Variants in PPP2R2D observed in about 807,000 individuals in gnomAD.
PPP2R2D encodes the protein protein phosphatase 2 regulatory subunit Bdelta.
PPP2R2D carries 9 observed loss-of-function variants against 31.1 expected under a neutral mutation model. The ratio of observed to expected loss-of-function variants is 0.29; its 90% CI spans 0.17 to 0.51. The LOEUF (loss-of-function observed/expected upper bound fraction) is 0.51. Among genes scored for constraint, PPP2R2D ranks in the 20% least tolerant of loss-of-function variants. PPP2R2D has a pLI of 0.98. For missense variants in PPP2R2D, 391 were observed against 465.6 expected (o/e 0.84, Z 1.48); for synonymous variants, 179 against 172.6 (o/e 1.04, Z -0.29).
intron 2 of PPP2R2D, among the ~76,000 whole-genome samples, chr10:131,931,709 T>C (rs974026654): frequency 1.3e-5 from 2 of 152,220 alleles, no homozygotes; most frequent in African/African-American, 4.8e-5. Flanking sequence ...TGGTTTCTAT[T>C]TCTGAGTGTA....
intron 3 of PPP2R2D, among the ~76,000 whole-genome samples, chr10:131,939,520 C>A (rs1364023590): frequency 1.6e-5 from 2 of 125,018 alleles, no homozygotes; most frequent in Non-Finnish European, 3.4e-5. Flanking sequence ...GAAAACACGG[C>A]AGGCTGCATT....
intron 4 of PPP2R2D, 145 bp from the exon 5 acceptor site, chr10:131,940,437 T>A (rs972800312): frequency 5.0e-6 from 3 of 603,744 alleles, no homozygotes; most frequent in Non-Finnish European, 8.8e-6. Context: ...ACAAAACACC[T>A]CCAATTGGAA....
chr10:131,931,640 G>A (rs902318383), intron 2 of PPP2R2D, among the ~76,000 whole-genome samples: 6 of 152,226 alleles, frequency 3.9e-5, no homozygotes, highest in Admixed American at 1.3e-4. Context: ...GAGCCACTGC[G>A]CCTGGCCCCA....
the PPP2R2D span, chr10:131,966,366 GA>G: frequency 1.3e-5 from 2 of 152,158 alleles, no homozygotes; most frequent in Admixed American, 6.5e-5. Context: ...AACCACTGTA[GA>G]AAAGAAGGGT....
intron 2 of PPP2R2D, among the ~76,000 whole-genome samples, chr10:131,916,970 A>G (rs574256949): frequency 1.4e-5 from 2 of 141,802 alleles, no homozygotes; most frequent in East Asian, 2.3e-4. Context: ...GGTGGGTGGA[A>G]TGACACAGTG....
chr10:131,955,362 T>C (rs1215344844), intron 8 of PPP2R2D, among the ~76,000 whole-genome samples: 1 of 152,220 alleles, frequency 6.6e-6, no homozygotes, highest in African/African-American at 2.4e-5. Context: ...AACATAAGGC[T>C]TAAAAATAAA....
intron 2 of PPP2R2D, among the ~76,000 whole-genome samples, chr10:131,918,051 A>G (rs1162240630): frequency 7.1e-6 from 1 of 141,408 alleles, no homozygotes; most frequent in Admixed American, 7.1e-5. Context: ...GGGATGACAC[A>G]GTGTTTGTAG....
At chr10:131,943,124 A>G (rs1172317740) in intron 5 of PPP2R2D, among the ~76,000 whole-genome samples, 2 of 152,300 alleles carry the variant, frequency 1.3e-5, no homozygotes, top group East Asian at 3.9e-4. Flanking sequence ...TGTTAGTGAG[A>G]CACAGGCCTT....
chr10:131,927,374 G>C (rs1359681266), intron 2 of PPP2R2D, among the ~76,000 whole-genome samples: 2 of 152,206 alleles, frequency 1.3e-5, no homozygotes, highest in Non-Finnish European at 2.9e-5. Flanking sequence ...CAGACTAAGA[G>C]GATGAATGGA....
At chr10:131,908,320 C>G (rs1007338219) in intron 2 of PPP2R2D, among the ~76,000 whole-genome samples, 19 of 152,272 alleles carry the variant, frequency 1.2e-4, no homozygotes, top group African/African-American at 4.6e-4. Flanking sequence ...CCTGTCCATT[C>G]CCTAAGCCCT....
In PPP2R2D at chr10:131,950,259, G is replaced by A. The variant is rs534387246; in HGVS notation, c.1082+2468G>A. On this transcript the variant is annotated intron_variant, in intron 8 of 8. Transcript: ENST00000455566. ...AGCACACGTTTAAACAAAGTTTGGG[G>A]GTGTGAGGCTTAAAGTGACAGTGGC... Among the ~76,000 whole-genome samples the A allele has an allele frequency of 3.7e-4, 56 of 152,262 alleles. 1 individual carries two copies. The South Asian group carries it at 0.011, about 30-fold the overall frequency.
Position 131,944,012 on chromosome 10 carries a change from A to G in PPP2R2D, c.522A>G (p.Pro174=), listed in dbSNP as rs2036490017. ...KPMDLMVEAS[P]RRIFANAHTY... Reference sequence around the variant, plus strand: ...TGGATCTTATGGTAGAAGCGAGTCCACGGCGAATTTTTGCAAATGCTCACA... The same window carrying G: ...TGGATCTTATGGTAGAAGCGAGTCCGCGGCGAATTTTTGCAAATGCTCACA... The change falls in exon 6 of 9, where the codon CCA becomes CCG. Residue 174 remains proline (P), a synonymous_variant. Transcript: ENST00000455566. The G allele has an allele frequency of 7.4e-7, 1 of 1,349,162 alleles. No homozygotes were observed. The highest frequency in any genetic ancestry group is 1.1e-6 in the Non-Finnish European group (1 of 938,540). 83.6% of individuals were successfully genotyped at this position (1,349,162 alleles called of 1,614,324 possible). A position where few individuals can be genotyped will look rare whatever the true frequency, so the allele number is the denominator to read the frequency against.
chr10:131,905,876 GTTC>G (rs2035574009), intron 2 of PPP2R2D, among the ~76,000 whole-genome samples: 1 of 152,238 alleles, frequency 6.6e-6, no homozygotes, highest in Non-Finnish European at 1.5e-5. Context: ...GGATGGAGCT[GTTC>G]TTCTAAAGCT....
chr10:131,911,921 A>C (rs938214416), intron 2 of PPP2R2D: 23 of 152,358 alleles, frequency 1.5e-4, no homozygotes, highest in African/African-American at 5.5e-4. Context: ...TGTAAAGAAA[A>C]TCAAATGATA....
At chr10:131,951,797 G>A (rs1482218281) in intron 8 of PPP2R2D, among the ~76,000 whole-genome samples, 2 of 152,108 alleles carry the variant, frequency 1.3e-5, no homozygotes, top group African/African-American at 4.8e-5. Context: ...TCCAGCCTGG[G>A]CGATAGAGTG....
At chr10:131,915,455 TAAC>T (rs1269733786) in intron 2 of PPP2R2D, among the ~76,000 whole-genome samples, 1 of 152,214 alleles carries the variant, frequency 6.6e-6, no homozygotes, top group African/African-American at 2.4e-5. Context: ...ACTCCACACT[TAAC>T]AACGGTCCAT....
intron 2 of PPP2R2D, chr10:131,911,929 A>G (rs1311020795): frequency 1.3e-5 from 2 of 152,328 alleles, no homozygotes; most frequent in African/African-American, 4.8e-5. Flanking sequence ...AAATCAAATG[A>G]TAGAACAGCT....
chr10:131,930,648 CCCTT>C (rs1377593227), intron 2 of PPP2R2D, among the ~76,000 whole-genome samples: 1 of 152,224 alleles, frequency 6.6e-6, no homozygotes, highest in Non-Finnish European at 1.5e-5. Context: ...CCATCTGACT[CCCTT>C]CCTCTCCGCA....
chr10:131,944,228 A>T, intron 6 of PPP2R2D, 83 bp downstream of exon 6: 1 of 1,140,010 alleles, frequency 8.8e-7, no homozygotes, highest in African/African-American at 1.6e-5. Context: ...ATACACCTGT[A>T]TCTCGGAGTC....
Sources: allele counts gnomAD v4.1 joint callset (sites outside exome capture counted in the v4.1 genomes callset), GRCh38; gene constraint gnomAD v4.1.1; transcripts MANE v1.5; gene names NCBI Gene and HGNC (gene_info 2026-07-23, HGNC 2026-07-21).